GRHL2: variants seen among roughly 807,000 people sequenced by gnomAD.
The protein encoded by GRHL2 is grainyhead like transcription factor 2.
Under a neutral mutation model 83.8 loss-of-function variants are expected in GRHL2, and 21 were observed. That is an observed-to-expected ratio of 0.25 (90% CI 0.18 to 0.36). GRHL2 has a LOEUF of 0.36. Ranked by LOEUF, GRHL2 falls within the 10% of genes least tolerant of loss-of-function variation. GRHL2 has a pLI of 1.00. For missense variants in GRHL2, 623 were observed against 781.8 expected (o/e 0.80, Z 2.42); for synonymous variants, 280 against 278.9 (o/e 1.00, Z -0.04).
chr8:101,676,425 G>A, the GRHL2 span, among the ~76,000 whole-genome samples: 1 of 152,004 alleles, frequency 6.6e-6, no homozygotes, highest in African/African-American at 2.4e-5. Flanking sequence ...CTTCTCAAAA[G>A]AAGACATTTA....
intron 9 of GRHL2, among the ~76,000 whole-genome samples, chr8:101,623,850 T>TACAGTACACAGTAAAACAGTTC: frequency 7.4e-6 from 1 of 136,002 alleles, no homozygotes; most frequent in Non-Finnish European, 1.6e-5. Context: ...TAGGACAGTT[T>TACAGTACACAGTAAAACAGTTC]ACAATACACA....
intron 8 of GRHL2, among the ~76,000 whole-genome samples, chr8:101,609,204 A>G (rs920624168): frequency 6.6e-6 from 1 of 150,482 alleles, no homozygotes; most frequent in African/African-American, 2.5e-5. Flanking sequence ...GAAGAAGAAC[A>G]GGGAAGGAAG....
chr8:101,633,648 TCTTA>T (rs1228589173), intron 11 of GRHL2, among the ~76,000 whole-genome samples: 1 of 152,134 alleles, frequency 6.6e-6, no homozygotes, highest in Non-Finnish European at 1.5e-5. Flanking sequence ...TTTCATCCAG[TCTTA>T]CTTGTTGGAT....
intron 13 of GRHL2, 64 bp downstream of exon 13, chr8:101,644,289 T>G (rs1179405759): frequency 7.5e-7 from 1 of 1,339,898 alleles, no homozygotes; most frequent in Non-Finnish European, 1.1e-6. Context: ...CAAGAAGAGC[T>G]TGCAGCCCTC....
rs182297018 is a variant in GRHL2, at chr8:101,618,147, G to A, written c.1099-1392G>A. 9.2e-5 allele frequency among the ~76,000 whole-genome samples: 14 copies of A among 152,104 alleles called. No individual in the cohort carries two copies. In the East Asian group the frequency reaches 2.3e-3, roughly 25 times the overall value. ...TCAGTGTAGTTACCATGTAAACCTGGGTGCTACACTGATACCTCAATTCCG... is the reference window on the plus strand; with the variant it reads ...TCAGTGTAGTTACCATGTAAACCTGAGTGCTACACTGATACCTCAATTCCG... On this transcript the variant is annotated intron_variant, in intron 8 of 15. Transcript: ENST00000646743.
chr8:101,586,390 C>A (rs1316660992), intron 7 of GRHL2, among the ~76,000 whole-genome samples: 2 of 152,088 alleles, frequency 1.3e-5, no homozygotes, highest in Non-Finnish European at 2.9e-5. Context: ...CTTGTTTGAC[C>A]CATCTCTGGG....
At chr8:101,624,397 C>T (rs1257003056) in intron 9 of GRHL2, among the ~76,000 whole-genome samples, 1 of 150,880 alleles carries the variant, frequency 6.6e-6, no homozygotes, top group Non-Finnish European at 1.5e-5. Flanking sequence ...TAGGACAGTT[C>T]ACAGTAAGAC....
chr8:101,657,143 G>C (rs1263462435), intron 14 of GRHL2, among the ~76,000 whole-genome samples: 3 of 152,154 alleles, frequency 2.0e-5, no homozygotes, highest in Non-Finnish European at 4.4e-5. Flanking sequence ...GGCCACCTAG[G>C]CAGCATTTAC....
Position 101,515,176 on chromosome 8 carries a change from GCACACACA to G in GRHL2, c.20+22414_20+22421del, listed in dbSNP as rs4002325. Among the ~76,000 whole-genome samples the G allele has an allele frequency of 8.3e-4, 120 of 144,532 alleles. 2 individuals carry two copies. The Middle Eastern group carries it at 0.014, about 17-fold the overall frequency. The allele number at this position is 144,532 out of a possible 152,430, so 94.8% of individuals were successfully genotyped here. Reference sequence around the variant, plus strand: ...TCTCTTTCTCTCTCTCTGTCTCTCTGCACACACACACACACACACACACACACACACAC... The same window carrying G: ...TCTCTTTCTCTCTCTCTGTCTCTCTGCACACACACACACACACACACACAC... On this transcript the variant is annotated intron_variant, in intron 1 of 15. Coordinates refer to ENST00000646743, the MANE Select transcript of GRHL2 (RefSeq NM_024915.4).
chr8:101,674,825 A>C, the GRHL2 span, among the ~76,000 whole-genome samples: 59,579 of 151,664 alleles, frequency 0.39, 12,102 homozygotes, highest in South Asian at 0.53. Context: ...TACTGGCAAA[A>C]CGAATCCAGC....
At chr8:101,556,041 C>T (rs1042629411) in intron 3 of GRHL2, among the ~76,000 whole-genome samples, 19 of 152,238 alleles carry the variant, frequency 1.2e-4, no homozygotes, top group East Asian at 3.9e-4. Context: ...CTGCAACCTC[C>T]GATCCCGGCA....
At chr8:101,585,966 G>A (rs1812155633) in intron 7 of GRHL2, among the ~76,000 whole-genome samples, 2 of 151,958 alleles carry the variant, frequency 1.3e-5, no homozygotes, top group Non-Finnish European at 2.9e-5. Context: ...TTCCCTCCAG[G>A]GAAGGGTCAG....
At chr8:101,646,252 T>C (rs1236513049) in intron 13 of GRHL2, among the ~76,000 whole-genome samples, 1 of 152,188 alleles carries the variant, frequency 6.6e-6, no homozygotes, top group Non-Finnish European at 1.5e-5. Flanking sequence ...GGCTTTTCTA[T>C]AGAGTCAGGG....
At chr8:101,548,784 C>CT (rs1270833750) in intron 2 of GRHL2, among the ~76,000 whole-genome samples, 6 of 152,174 alleles carry the variant, frequency 3.9e-5, no homozygotes, top group African/African-American at 1.4e-4. Flanking sequence ...TAATAACCAC[C>CT]TTTATGGTAT....
intron 8 of GRHL2, among the ~76,000 whole-genome samples, chr8:101,602,923 C>T (rs1166763175): frequency 6.6e-6 from 1 of 152,182 alleles, no homozygotes; most frequent in Non-Finnish European, 1.5e-5. Context: ...ACCAGCATTC[C>T]CTGGCTCCCT....
intron 1 of GRHL2, chr8:101,542,655 T>C (rs1039362203): frequency 2.4e-6 from 1 of 419,974 alleles, no homozygotes; most frequent in Non-Finnish European, 4.8e-6. Context: ...TTAGTCAATT[T>C]TGTGCTGCTA....
At chr8:101,596,393 AT>A (rs1026308348) in intron 7 of GRHL2, among the ~76,000 whole-genome samples, 58 of 152,156 alleles carry the variant, frequency 3.8e-4, no homozygotes, top group African/African-American at 1.2e-3. Flanking sequence ...AGCCTTAAAA[AT>A]TTTTTTTCCT....
intron 11 of GRHL2, 82 bp downstream of exon 11, chr8:101,632,447 T>C (rs543572073): frequency 2.8e-5 from 43 of 1,533,010 alleles, no homozygotes; most frequent in African/African-American, 9.5e-5. Flanking sequence ...TCAGACAGTG[T>C]TGACCTCAAA....
At chr8:101,559,570 T>G (rs62519113) in intron 4 of GRHL2, among the ~76,000 whole-genome samples, 1 of 151,928 alleles carries the variant, frequency 6.6e-6, no homozygotes, top group Non-Finnish European at 1.5e-5. Context: ...TTAAAAAACC[T>G]TGTCTGATGG....
Sources: allele counts gnomAD v4.1 joint callset (sites outside exome capture counted in the v4.1 genomes callset), GRCh38; gene constraint gnomAD v4.1.1; transcripts MANE v1.5; gene names NCBI Gene and HGNC (gene_info 2026-07-23, HGNC 2026-07-21).